Variants in MSH3 observed in about 807,000 individuals in gnomAD.
The protein encoded by MSH3 is DNA mismatch repair protein Msh3.
Under a neutral mutation model 123.3 loss-of-function variants are expected in MSH3, and 106 were observed. The ratio of observed to expected loss-of-function variants is 0.86; its 90% CI spans 0.73 to 1.01. MSH3 has a LOEUF of 1.01. MSH3 is among the 50% of genes least tolerant of loss of function. The probability of loss-of-function intolerance (pLI) is 0.00; values close to 1 mark genes in which losing one functional copy is unlikely to be tolerated. For synonymous variants in MSH3, 515 were observed against 481.4 expected, an observed-to-expected ratio of 1.07 and a Z score of -0.91; for missense variants, 1,459 against 1,347.6, an observed-to-expected ratio of 1.08 and a Z score of -1.29.
chr5:80,860,461 T>C (rs1331364714), intron 21 of MSH3, among the ~76,000 whole-genome samples: 3 of 144,738 alleles, frequency 2.1e-5, no homozygotes, highest in Non-Finnish European at 4.6e-5. Flanking sequence ...TTTTTTTTCC[T>C]CTCAAAACTT....
At chr5:80,808,884 C>CTATATATATATATATATATATAT (rs1561485262) in intron 19 of MSH3, among the ~76,000 whole-genome samples, 7 of 118,676 alleles carry the variant, frequency 5.9e-5, no homozygotes, top group African/African-American at 1.2e-4. Flanking sequence ...TATATATATA[C>CTATATATATATATATATATATAT]ACAATCTAAA....
chr5:80,679,761 A>G (rs942400557), intron 8 of MSH3, among the ~76,000 whole-genome samples: 3 of 152,208 alleles, frequency 2.0e-5, no homozygotes, highest in Non-Finnish European at 2.9e-5. Context: ...TGCATACCTA[A>G]CTGGACTTAA....
intron 12 of MSH3, among the ~76,000 whole-genome samples, chr5:80,749,420 C>T (rs1001986737): frequency 6.6e-6 from 1 of 152,176 alleles, no homozygotes; most frequent in Non-Finnish European, 1.5e-5. Flanking sequence ...TTCCATGTTT[C>T]TCTGCCTGCT....
intron 8 of MSH3, among the ~76,000 whole-genome samples, chr5:80,709,906 C>T (rs1291208722): frequency 6.6e-6 from 1 of 152,132 alleles, no homozygotes; most frequent in African/African-American, 2.4e-5. Flanking sequence ...ATCTTCTGTT[C>T]CCCTGGAGTG....
At chr5:80,661,433 G>A (rs1030456315) in intron 2 of MSH3, among the ~76,000 whole-genome samples, 1 of 152,028 alleles carries the variant, frequency 6.6e-6, no homozygotes, top group Non-Finnish European at 1.5e-5. Context: ...CTAATCTGCT[G>A]TAAATCTCGT....
intron 17 of MSH3, among the ~76,000 whole-genome samples, chr5:80,781,379 T>C (rs1744406502): frequency 6.6e-6 from 1 of 152,190 alleles, no homozygotes. Flanking sequence ...TCTCTTGTCA[T>C]TATTCCAGAC....
At chr5:80,729,818 G>A (rs552011579) in intron 10 of MSH3, among the ~76,000 whole-genome samples, 8 of 152,224 alleles carry the variant, frequency 5.3e-5, no homozygotes, top group East Asian at 1.9e-4. Flanking sequence ...TTTATATTCC[G>A]CCTTCACCAG....
chr5:80,739,589 A>G (rs1400180159), intron 10 of MSH3, among the ~76,000 whole-genome samples: 1 of 152,212 alleles, frequency 6.6e-6, no homozygotes, highest in Non-Finnish European at 1.5e-5. Flanking sequence ...TTCAAGACAA[A>G]TTAAGTTAAC....
chr5:80,847,210 C>T (rs753191362), intron 20 of MSH3, among the ~76,000 whole-genome samples: 6 of 152,248 alleles, frequency 3.9e-5, no homozygotes, highest in Middle Eastern at 3.4e-3. Context: ...CAGGCATGCA[C>T]CACTACCCTT....
chr5:80,768,825 G>A lies in MSH3; in HGVS notation c.2085-10G>A, dbSNP rs2112885070. 1.9e-6 allele frequency: 3 copies of A among 1,595,660 alleles called. No homozygotes were observed. The highest frequency in any genetic ancestry group is 2.6e-6 in the Non-Finnish European group (3 of 1,165,214). On this transcript the variant is annotated splice_polypyrimidine_tract_variant and intron_variant, in intron 14 of 23. Transcript: ENST00000265081. ...CTTCGAATATGTATTTGCATGTTTT[G>A]ATTTTTTAGAGTTGGGGATAAAACT...
chr5:80,822,857 T>C (rs910154230), intron 20 of MSH3, among the ~76,000 whole-genome samples: 1 of 152,202 alleles, frequency 6.6e-6, no homozygotes, highest in African/African-American at 2.4e-5. Flanking sequence ...GAGACATGCC[T>C]TTATCTCATG....
intron 3 of MSH3, among the ~76,000 whole-genome samples, chr5:80,667,582 G>T (rs1749599616): frequency 6.6e-6 from 1 of 152,214 alleles, no homozygotes; most frequent in African/African-American, 2.4e-5. Context: ...AGTGGTGAGG[G>T]TGAGGGGTGT....
intron 12 of MSH3, among the ~76,000 whole-genome samples, chr5:80,752,122 TGAAAAA>T (rs1743850455): frequency 6.6e-6 from 1 of 151,524 alleles, no homozygotes; most frequent in African/African-American, 2.4e-5. Flanking sequence ...ATTTTAGAGA[TGAAAAA>T]GAAACATTTA....
In MSH3 at chr5:80,858,379, T is replaced by C. The variant is rs557963988; in HGVS notation, c.3000+4063T>C. Among the ~76,000 whole-genome samples the C allele has an allele frequency of 2.2e-3, 338 of 152,314 alleles. 2 individuals are homozygous for C. The highest frequency in any genetic ancestry group is 6.2e-3 in the South Asian group (30 of 4,826). ...ATTTTCTTCTATGCACTGCTTTTGG[T>C]GCGGTTCCACAAATTTTGATAAGGT... is the stretch of plus-strand genomic sequence containing the variant. On this transcript the variant is annotated intron_variant, in intron 21 of 23. Coordinates refer to ENST00000265081, the MANE Select transcript of MSH3 (RefSeq NM_002439.5).
rs542711211 is a variant in MSH3 at position 80,871,904 on chromosome 5, A to G, written c.3131-1212A>G. Reference sequence around the variant, plus strand: ...CCTACAACAACCAGTCACTGGCTGTAGGCTGCCCCAAAGCGGGATGTGGTC... The same window carrying G: ...CCTACAACAACCAGTCACTGGCTGTGGGCTGCCCCAAAGCGGGATGTGGTC... On this transcript the variant is annotated intron_variant, in intron 22 of 23. Coordinates refer to ENST00000265081, the MANE Select transcript of MSH3 (RefSeq NM_002439.5). 4.6e-5 allele frequency among the ~76,000 whole-genome samples: 7 copies of G among 152,258 alleles called. No homozygotes were observed. The South Asian group carries it at 1.5e-3, about 32-fold the overall frequency.
At position 80,873,117 on chromosome 5, in the gene MSH3, C is replaced by T. The variant is rs764431347; in HGVS notation, c.3132C>T (p.Gly1044=). 8 of 1,612,322 alleles carry T rather than the reference C, an allele frequency of 5.0e-6. No homozygotes were observed. The highest frequency in any genetic ancestry group is 2.7e-5 in the African/African-American group (2 of 74,866). The change falls in exon 23 of 24, where the codon GGC becomes GGT. Residue 1044 remains glycine (G), a splice_region_variant and synonymous_variant. Transcript: ENST00000265081. ...TGATCTCCTTTCTTTATTTCACAGG[C>T]GCAGCAGAACAAGTCCCTGATTTTG... ...VSEDESKLDP[G]AAEQVPDFVT...
chr5:80,693,537 ATAT>A (rs1316060925), intron 8 of MSH3, among the ~76,000 whole-genome samples: 3 of 91,018 alleles, frequency 3.3e-5, no homozygotes, highest in Non-Finnish European at 7.3e-5. Flanking sequence ...GTTTATATAA[ATAT>A]ATATGCACAT....
At chr5:80,851,515 C>T (rs777668589) in intron 20 of MSH3, among the ~76,000 whole-genome samples, 6 of 151,970 alleles carry the variant, frequency 3.9e-5, no homozygotes, top group African/African-American at 9.7e-5. Flanking sequence ...CATTTTGTTT[C>T]GCTTTGTCAG....
At chr5:80,850,374 G>A (rs1240150843) in intron 20 of MSH3, among the ~76,000 whole-genome samples, 1 of 151,998 alleles carries the variant, frequency 6.6e-6, no homozygotes, top group African/African-American at 2.4e-5. Flanking sequence ...CCCACTCCTG[G>A]TACCAATTTA....
Sources: gnomAD v4.1 joint callset for allele counts (sites outside exome capture counted in the v4.1 genomes callset) on GRCh38, gnomAD v4.1.1 for gene constraint, MANE v1.5 for transcripts, NCBI Gene and HGNC (gene_info 2026-07-23, HGNC 2026-07-21) for gene names.